The following DYNC1I1 variants were observed in gnomAD, a reference collection of about 807,000 sequenced individuals.
DYNC1I1 encodes the protein dynein cytoplasmic 1 intermediate chain 1, also known as cytoplasmic dynein 1 intermediate chain 1.
In DYNC1I1, 43 loss-of-function variants were observed where a neutral mutation model predicts 86.6. That is an observed-to-expected ratio of 0.50 (90% CI 0.39 to 0.64). DYNC1I1 has a LOEUF of 0.64. DYNC1I1 is among the 30% of genes least tolerant of loss of function. The pLI, the probability that DYNC1I1 is intolerant of heterozygous loss-of-function variation, is 0.00. For missense variants in DYNC1I1, 604 were observed against 788.8 expected (o/e 0.77, Z 2.81); for synonymous variants, 262 against 283.7 (o/e 0.92, Z 0.77).
chr7:95,825,376 CAAATA>C (rs1795182620), intron 4 of DYNC1I1, among the ~76,000 whole-genome samples: 1 of 152,114 alleles, frequency 6.6e-6, no homozygotes, highest in East Asian at 1.9e-4. Context: ...AAATGGAGGT[CAAATA>C]GTTGATCCTA....
At chr7:96,000,616 G>A (rs374859687) in intron 10 of DYNC1I1, among the ~76,000 whole-genome samples, 15 of 152,160 alleles carry the variant, frequency 9.9e-5, no homozygotes, top group Non-Finnish European at 1.8e-4. Flanking sequence ...TGACCGATCC[G>A]ATGAGCTAGA....
At chr7:95,842,358 G>A (rs1789308826) in intron 5 of DYNC1I1, among the ~76,000 whole-genome samples, 1 of 152,156 alleles carries the variant, frequency 6.6e-6, no homozygotes, top group African/African-American at 2.4e-5. Context: ...AAGTTAAGTA[G>A]TCAAAAAGTT....
At chr7:96,006,023 G>T (rs1794133788) in intron 10 of DYNC1I1, among the ~76,000 whole-genome samples, 1 of 152,108 alleles carries the variant, frequency 6.6e-6, no homozygotes, top group Non-Finnish European at 1.5e-5. Context: ...AAGAAAACAA[G>T]GGGGGAGCAG....
intron 10 of DYNC1I1, among the ~76,000 whole-genome samples, chr7:96,003,515 G>C (rs1428804528): frequency 1.3e-5 from 2 of 152,156 alleles, no homozygotes; most frequent in Non-Finnish European, 2.9e-5. Flanking sequence ...CTTTGGTAGG[G>C]CTTCCATTCT....
At chr7:95,889,143 G>A (rs1790672786) in intron 6 of DYNC1I1, among the ~76,000 whole-genome samples, 1 of 152,120 alleles carries the variant, frequency 6.6e-6, no homozygotes, top group South Asian at 2.1e-4. Context: ...CATATATATG[G>A]CTGTATACTC....
At chr7:95,928,942 C>T (rs146973983) in intron 6 of DYNC1I1, among the ~76,000 whole-genome samples, 552 of 152,294 alleles carry the variant, frequency 3.6e-3, no homozygotes, top group South Asian at 0.016. Context: ...TCTTTCCTTT[C>T]TCCCTCCCTT....
chr7:95,980,013 T>C (rs1432443503), intron 7 of DYNC1I1, among the ~76,000 whole-genome samples: 1 of 152,146 alleles, frequency 6.6e-6, no homozygotes, highest in East Asian at 1.9e-4. Flanking sequence ...GGGTATATTT[T>C]GTGTGTCTTG....
intron 14 of DYNC1I1, among the ~76,000 whole-genome samples, chr7:96,050,379 G>C (rs1297670019): frequency 1.3e-5 from 2 of 152,152 alleles, no homozygotes; most frequent in Admixed American, 1.3e-4. Flanking sequence ...AATTTAAAAT[G>C]AAACTTCTCT....
At chr7:95,920,582 CTG>C (rs1791585226) in intron 6 of DYNC1I1, among the ~76,000 whole-genome samples, 1 of 152,156 alleles carries the variant, frequency 6.6e-6, no homozygotes, top group Admixed American at 6.5e-5. Flanking sequence ...CAAAAGGAGA[CTG>C]TATTGCCTTC....
chr7:95,807,452 T>G (rs1351398287), intron 2 of DYNC1I1, among the ~76,000 whole-genome samples: 1 of 152,100 alleles, frequency 6.6e-6, no homozygotes, highest in Non-Finnish European at 1.5e-5. Context: ...CACCACCCCC[T>G]ACCCCAATTC....
At position 95,840,983 on chromosome 7, in the gene DYNC1I1, T is replaced by G. The variant is rs560210560; in HGVS notation, c.374+12867T>G. 1.1e-3 allele frequency among the ~76,000 whole-genome samples: 166 copies of G among 152,336 alleles called. 1 individual carries two copies. The highest frequency in any genetic ancestry group is 3.6e-3 in the African/African-American group (150 of 41,584). ...GGAAGAAGCTGGGAACTGGAGTTTA[T>G]CACCCACTTGCTCTGCACTGAGCCA... On this transcript the variant is annotated intron_variant, in intron 5 of 16. Coordinates refer to ENST00000447467, the MANE Select transcript of DYNC1I1 (RefSeq NM_001135556.2).
chr7:95,871,117 CA>C (rs1421146691), intron 6 of DYNC1I1, among the ~76,000 whole-genome samples: 1 of 152,108 alleles, frequency 6.6e-6, no homozygotes, highest in Non-Finnish European at 1.5e-5. Flanking sequence ...TAAATAACGC[CA>C]AAAGCAAAGT....
At chr7:96,041,193 A>G (rs1415946396) in intron 14 of DYNC1I1, among the ~76,000 whole-genome samples, 4 of 152,220 alleles carry the variant, frequency 2.6e-5, no homozygotes, top group Admixed American at 2.6e-4. Flanking sequence ...AAACCATGTT[A>G]AGAGGACAGA....
chr7:95,777,812 C>T (rs1261896435), intron 1 of DYNC1I1, among the ~76,000 whole-genome samples: 3 of 152,134 alleles, frequency 2.0e-5, no homozygotes, highest in African/African-American at 7.2e-5. Context: ...CAGTGTGCTT[C>T]ATTATGCTTT....
At position 95,984,803 on chromosome 7, in the gene DYNC1I1, A is replaced by G. The variant is rs760539642; in HGVS notation, c.581-12A>G. 6 of 1,560,614 alleles carry G rather than the reference A, an allele frequency of 3.8e-6. No homozygotes were observed. Among genetic ancestry groups the G allele is most frequent in the Non-Finnish European group, 5.2e-6 (6 of 1,161,364 alleles). On this transcript the variant is annotated splice_polypyrimidine_tract_variant and intron_variant, in intron 7 of 16. Coordinates refer to ENST00000447467, the MANE Select transcript of DYNC1I1 (RefSeq NM_001135556.2). The stretch of plus-strand genomic sequence containing the variant: ...CTAACAATCTCTTTTACAAAAAAAT[A>G]AATAAATAAAGCCCCTCCAAGAGAG...
intron 14 of DYNC1I1, among the ~76,000 whole-genome samples, chr7:96,063,921 G>C (rs1160084070): frequency 6.6e-6 from 1 of 152,160 alleles, no homozygotes; most frequent in African/African-American, 2.4e-5. Flanking sequence ...TCTCTCCAAG[G>C]CTGAATCCCA....
chr7:96,110,038 T>C (rs954615597), exon 17 of DYNC1I1: 1 of 434,238 alleles, frequency 2.3e-6, no homozygotes, highest in Non-Finnish European at 4.6e-6. Context: ...TCCTCCTATG[T>C]TGGCCTCCCA....
chr7:95,840,777 T>A (rs1249139404), intron 5 of DYNC1I1, among the ~76,000 whole-genome samples: 1 of 152,182 alleles, frequency 6.6e-6, no homozygotes, highest in Non-Finnish European at 1.5e-5. Flanking sequence ...GTTTCCTTAG[T>A]GGGCCCAGGG....
intron 5 of DYNC1I1, among the ~76,000 whole-genome samples, chr7:95,838,584 A>G (rs1789183844): frequency 1.3e-5 from 2 of 152,184 alleles, no homozygotes; most frequent in African/African-American, 4.8e-5. Context: ...AATATCATTT[A>G]AGTTTTGGTA....
Sources: allele counts gnomAD v4.1 joint callset (sites outside exome capture counted in the v4.1 genomes callset), GRCh38; gene constraint gnomAD v4.1.1; transcripts MANE v1.5; gene names NCBI Gene and HGNC (gene_info 2026-07-23, HGNC 2026-07-21).